Variants in DIPK1A observed in about 807,000 individuals in gnomAD.
DIPK1A encodes the protein divergent protein kinase domain 1A, also known as family with sequence similarity 69 member A.
A neutral mutation model predicts 40.8 loss-of-function variants in DIPK1A; 27 were observed. That is an observed-to-expected ratio of 0.66 (90% confidence interval 0.49 to 0.91). DIPK1A has a LOEUF of 0.91. DIPK1A is among the 40% of genes least tolerant of loss of function. DIPK1A has a pLI of 0.00. For synonymous variants in DIPK1A, 166 were observed against 171.3 expected (o/e 0.97, Z 0.24); for missense variants, 412 against 505.7 (o/e 0.81, Z 1.78).
chr1:92,912,455 T>G (rs1649868555), intron 1 of DIPK1A, among the ~76,000 whole-genome samples: 1 of 152,098 alleles, frequency 6.6e-6, no homozygotes. Flanking sequence ...GATCTCTCAT[T>G]ATAGGTCCAA....
intron 1 of DIPK1A, among the ~76,000 whole-genome samples, chr1:92,947,216 T>C (rs1571148613): frequency 6.6e-6 from 1 of 152,214 alleles, no homozygotes; most frequent in Non-Finnish European, 1.5e-5. Context: ...TAATAATACA[T>C]CAAAATACAG....
At chr1:92,840,042 TGAG>T (rs1176506633), downstream of DIPK1A, among the ~76,000 whole-genome samples, 5 of 150,968 alleles carry the variant, frequency 3.3e-5, no homozygotes, top group Non-Finnish European at 7.4e-5. Context: ...TTGGTAGAGA[TGAG>T]GTCTCATTCT....
intron 1 of DIPK1A, among the ~76,000 whole-genome samples, chr1:92,949,629 T>C (rs1651548024): frequency 1.3e-5 from 2 of 152,146 alleles, no homozygotes; most frequent in African/African-American, 2.4e-5. Context: ...CCAGGATGTG[T>C]ACAGTTTTCT....
chr1:92,897,080 T>C (rs1426995600), intron 1 of DIPK1A, among the ~76,000 whole-genome samples: 2 of 152,038 alleles, frequency 1.3e-5, no homozygotes, highest in East Asian at 1.9e-4. Flanking sequence ...GTTCAACCAT[T>C]GTGGAAGTCA....
chr1:92,901,163 A>T (rs1054035793), intron 1 of DIPK1A, among the ~76,000 whole-genome samples: 3 of 151,994 alleles, frequency 2.0e-5, no homozygotes, highest in Admixed American at 6.6e-5. Flanking sequence ...TACATTGTTA[A>T]TGTCCTCAGT....
intron 1 of DIPK1A, among the ~76,000 whole-genome samples, chr1:92,904,676 C>T (rs923423481): frequency 6.6e-6 from 1 of 151,932 alleles, no homozygotes; most frequent in East Asian, 1.9e-4. Flanking sequence ...TCCAATTATA[C>T]CTTTTTAGTT....
chr1:92,836,040 C>A, intron 4 of DIPK1A: 1 of 696,018 alleles, frequency 1.4e-6, no homozygotes, highest in Non-Finnish European at 2.6e-6. Context: ...TTTAAAAATT[C>A]ATGAGCAAGT....
At chr1:92,949,146 A>G (rs1032101864) in intron 1 of DIPK1A, among the ~76,000 whole-genome samples, 1 of 151,742 alleles carries the variant, frequency 6.6e-6, no homozygotes, top group African/African-American at 2.4e-5. Flanking sequence ...CTTCTTACCC[A>G]CTTCTCTACC....
In DIPK1A at chr1:92,846,890, C is replaced by CGTATATATATAT. The variant is rs1553123841; in HGVS notation, c.474+292_474+293insATATATATATAC. 1.6e-3 allele frequency among the ~76,000 whole-genome samples: 10 copies of CGTATATATATAT among 6,206 alleles called. 2 individuals carry two copies. Among genetic ancestry groups the CGTATATATATAT allele is most frequent in the Non-Finnish European group, 2.8e-3 (10 of 3,570 alleles). The allele number at this position is 6,206 out of a possible 152,430, so 4.1% of individuals were successfully genotyped here. Reference sequence around the variant, plus strand: ...ATATATATATATATATATACACACACACGTATATATATATATACGTGTATA... The same window carrying CGTATATATATAT: ...ATATATATATATATATATACACACACGTATATATATATACGTATATATATATATACGTGTATA... On this transcript the variant is annotated intron_variant, in intron 4 of 4. Coordinates refer to ENST00000370310, the MANE Select transcript of DIPK1A (RefSeq NM_001006605.5).
At chr1:92,870,073 T>TACACAC (rs1211095931) in intron 2 of DIPK1A, among the ~76,000 whole-genome samples, 154 of 143,746 alleles carry the variant, frequency 1.1e-3, no homozygotes, top group East Asian at 2.3e-3. Flanking sequence ...ATGAATTATA[T>TACACAC]ATACACACAC....
intron 1 of DIPK1A, among the ~76,000 whole-genome samples, chr1:92,899,717 A>AACAGC (rs966308100): frequency 3.4e-4 from 51 of 152,106 alleles, no homozygotes; most frequent in African/African-American, 1.2e-3. Flanking sequence ...CTCCTTCATG[A>AACAGC]ACGTGCTCTA....
At chr1:92,883,331 T>C (rs1648463608) in intron 1 of DIPK1A, among the ~76,000 whole-genome samples, 1 of 152,200 alleles carries the variant, frequency 6.6e-6, no homozygotes, top group African/African-American at 2.4e-5. Context: ...TAAAAAGAAC[T>C]CATCATAGGG....
chr1:92,873,010 T>C (rs533504199), intron 2 of DIPK1A, among the ~76,000 whole-genome samples: 9 of 152,340 alleles, frequency 5.9e-5, no homozygotes, highest in African/African-American at 9.6e-5. Context: ...TTGTCCCCAG[T>C]AGGGGCTTTC....
intron 2 of DIPK1A, among the ~76,000 whole-genome samples, chr1:92,874,451 C>G (rs984932120): frequency 2.6e-5 from 4 of 152,138 alleles, no homozygotes. Context: ...CTAAAAGAAC[C>G]TAAGAAGTCC....
intron 1 of DIPK1A, among the ~76,000 whole-genome samples, chr1:92,944,036 T>C (rs1651272403): frequency 6.6e-6 from 1 of 151,956 alleles, no homozygotes; most frequent in South Asian, 2.1e-4. Flanking sequence ...ACATAAACTA[T>C]GAATAGGAAA....
intron 3 of DIPK1A, among the ~76,000 whole-genome samples, chr1:92,847,572 A>C (rs1328300510): frequency 6.6e-6 from 1 of 152,196 alleles, no homozygotes; most frequent in Non-Finnish European, 1.5e-5. Flanking sequence ...AGAGTAATGC[A>C]TGCCTAAATA....
intron 2 of DIPK1A, 115 bp downstream of exon 2, chr1:92,876,181 C>T (rs1476269090): frequency 2.1e-5 from 14 of 676,184 alleles, no homozygotes; most frequent in Non-Finnish European, 6.5e-6. Flanking sequence ...AAGATTAGCA[C>T]AATTCTAATG....
chr1:92,943,059 A>T (rs932722686), intron 1 of DIPK1A, among the ~76,000 whole-genome samples: 1 of 152,248 alleles, frequency 6.6e-6, no homozygotes, highest in Non-Finnish European at 1.5e-5. Context: ...TTTAAAATTC[A>T]CATCAGGACT....
rs1687427400 is a variant in DIPK1A, at chr1:92,842,770, C to G, written c.*613G>C. The G allele has an allele frequency of 1.0e-6, 1 of 985,196 alleles. No individual in the cohort carries two copies. Among genetic ancestry groups the G allele is most frequent in the Non-Finnish European group, 1.2e-6 (1 of 829,848 alleles). 61.0% of individuals were successfully genotyped at this position (985,196 alleles called of 1,614,324 possible). On this transcript the variant is annotated 3_prime_UTR_variant, in exon 5 of 5. Coordinates refer to ENST00000370310, the MANE Select transcript of DIPK1A (RefSeq NM_001006605.5). Reference sequence around the variant, plus strand: ...ATTTTTAGTCAATAAAATTGGTGTACTGTCAAGTATAAGATTTCTTGAAGT... The same window carrying G: ...ATTTTTAGTCAATAAAATTGGTGTAGTGTCAAGTATAAGATTTCTTGAAGT...
Sources: allele counts gnomAD v4.1 joint callset (sites outside exome capture counted in the v4.1 genomes callset), GRCh38; gene constraint gnomAD v4.1.1; transcripts MANE v1.5; gene names NCBI Gene and HGNC (gene_info 2026-07-23, HGNC 2026-07-21).